The following CSMD1 variants were observed in gnomAD, a reference collection of about 807,000 sequenced individuals.
CSMD1 encodes the protein CUB and sushi domain-containing protein 1.
A neutral mutation model predicts 417.5 loss-of-function variants in CSMD1; 213 were observed. The ratio of observed to expected loss-of-function variants is 0.51; its 90% CI spans 0.46 to 0.57. The LOEUF (loss-of-function observed/expected upper bound fraction) is 0.57, where lower values mean the gene tolerates loss of function less well. Among genes scored for constraint, CSMD1 ranks in the 20% least tolerant of loss-of-function variants. The probability of loss-of-function intolerance (pLI) is 0.00; values close to 1 mark genes in which losing one functional copy is unlikely to be tolerated. For missense variants in CSMD1, 6,923 were observed against 4,529.7 expected (o/e 1.53, Z -15.17); for synonymous variants, 2,862 against 1,736.8 (o/e 1.65, Z -16.11).
chr8:4,390,542 C>G (rs1803779191), intron 3 of CSMD1, among the ~76,000 whole-genome samples: 1 of 20,608 alleles, frequency 4.9e-5, no homozygotes, highest in Non-Finnish European at 1.0e-4. Context: ...GAGATGGAGT[C>G]TTGCTCTGTT....
chr8:3,992,178 TATAA>T (rs947492373), intron 5 of CSMD1, among the ~76,000 whole-genome samples: 8 of 151,012 alleles, frequency 5.3e-5, no homozygotes, highest in African/African-American at 1.7e-4. Context: ...GTTAGATATA[TATAA>T]ATATATTTAC....
chr8:4,015,992 G>C (rs1224733790), intron 4 of CSMD1, among the ~76,000 whole-genome samples: 2 of 152,178 alleles, frequency 1.3e-5, no homozygotes, highest in East Asian at 1.9e-4. Flanking sequence ...CACCAAGTCA[G>C]AGCTGGCCTT....
chr8:4,350,753 G>A (rs933265318), intron 3 of CSMD1, among the ~76,000 whole-genome samples: 5 of 152,118 alleles, frequency 3.3e-5, no homozygotes, highest in Admixed American at 2.0e-4. Context: ...TAAATCCAGT[G>A]GCAGCTGATT....
intron 25 of CSMD1, among the ~76,000 whole-genome samples, chr8:3,295,140 T>C (rs189627632): frequency 8.8e-4 from 122 of 138,436 alleles, no homozygotes; most frequent in African/African-American, 2.8e-3. Flanking sequence ...TTTTATTTTA[T>C]TTGAGATGGA....
At chr8:3,636,730 T>A (rs570815984) in intron 7 of CSMD1, among the ~76,000 whole-genome samples, 1 of 152,352 alleles carries the variant, frequency 6.6e-6, no homozygotes, top group South Asian at 2.1e-4. Flanking sequence ...TGGGAGCAGC[T>A]GGCTCAGCGA....
chr8:4,082,536 A>G (rs1184363681), intron 3 of CSMD1, among the ~76,000 whole-genome samples: 1 of 152,186 alleles, frequency 6.6e-6, no homozygotes, highest in Non-Finnish European at 1.5e-5. Flanking sequence ...AAAAGGAAAC[A>G]CACAAAAACA....
intron 25 of CSMD1, 132 bp downstream of exon 25, chr8:3,307,563 G>C (rs1030721971): frequency 8.3e-6 from 9 of 1,084,838 alleles, no homozygotes; most frequent in Admixed American, 2.4e-5. Flanking sequence ...AAAACTTTTA[G>C]CTACAGCTTT....
chr8:3,864,726 A>T (rs1378641553), intron 5 of CSMD1, among the ~76,000 whole-genome samples: 1 of 151,622 alleles, frequency 6.6e-6, no homozygotes, highest in Non-Finnish European at 1.5e-5. Context: ...GTAATTCCAC[A>T]CTCCCCTCCT....
At position 4,309,296 on chromosome 8, in the gene CSMD1, G is replaced by C. The variant is rs546198973; in HGVS notation, c.415+110657C>G. Among the ~76,000 whole-genome samples, 156 of 152,054 alleles carry C rather than the reference G, an allele frequency of 1.0e-3. 2 individuals carry two copies. In the South Asian group the frequency reaches 0.031, roughly 30 times the overall value. ...CAGCTTCTTCAGATACAATATAATT[G>C]CACTGTCTATTTAGCATGTTATTTT... On this transcript the variant is annotated intron_variant, in intron 3 of 69. Coordinates refer to ENST00000635120, the MANE Select transcript of CSMD1 (RefSeq NM_033225.6).
chr8:4,003,973 C>T (rs961467932), intron 4 of CSMD1, among the ~76,000 whole-genome samples: 1 of 151,992 alleles, frequency 6.6e-6, no homozygotes, highest in Non-Finnish European at 1.5e-5. Context: ...AACTGGAAAA[C>T]ATTCAGAGAC....
chr8:3,318,733 G>C (rs1224924786), intron 23 of CSMD1, among the ~76,000 whole-genome samples: 1 of 152,082 alleles, frequency 6.6e-6, no homozygotes, highest in Non-Finnish European at 1.5e-5. Context: ...TCCCTAGCTG[G>C]AGTGTCACGG....
intron 10 of CSMD1, among the ~76,000 whole-genome samples, chr8:3,499,141 G>C (rs78148041): frequency 9.2e-4 from 140 of 152,292 alleles, no homozygotes; most frequent in African/African-American, 2.2e-3. Context: ...TGTAGTTTTA[G>C]TAGGAAAAAA....
chr8:4,026,815 G>A (rs974513700), intron 4 of CSMD1, among the ~76,000 whole-genome samples: 1 of 152,194 alleles, frequency 6.6e-6, no homozygotes, highest in African/African-American at 2.4e-5. Context: ...ATTTATGGCT[G>A]TAGGGAGATG....
intron 50 of CSMD1, among the ~76,000 whole-genome samples, chr8:3,036,196 A>G (rs1286780550): frequency 1.3e-5 from 2 of 152,240 alleles, no homozygotes; most frequent in East Asian, 3.8e-4. Context: ...CTGATTTATT[A>G]TAGACTCATT....
intron 1 of CSMD1, among the ~76,000 whole-genome samples, chr8:4,825,846 T>C (rs1799797002): frequency 6.6e-6 from 1 of 150,930 alleles, no homozygotes; most frequent in Non-Finnish European, 1.5e-5. Context: ...CAAAAGACAC[T>C]TCTCTGAAGA....
intron 17 of CSMD1, among the ~76,000 whole-genome samples, chr8:3,392,853 C>A (rs1811431439): frequency 6.6e-6 from 1 of 152,114 alleles, no homozygotes; most frequent in Non-Finnish European, 1.5e-5. Context: ...TATCTCTACA[C>A]CACCCACAGA....
At chr8:4,991,996 C>G (rs904084764) in intron 1 of CSMD1, among the ~76,000 whole-genome samples, 1 of 152,216 alleles carries the variant, frequency 6.6e-6, no homozygotes, top group Non-Finnish European at 1.5e-5. Flanking sequence ...CGCGCACACA[C>G]TTGCGCACAG....
intron 7 of CSMD1, among the ~76,000 whole-genome samples, chr8:3,651,441 C>T (rs1315847259): frequency 2.0e-5 from 3 of 152,080 alleles, no homozygotes; most frequent in African/African-American, 7.2e-5. Context: ...CACGTAATGC[C>T]TCAGGGTCTG....
chr8:3,031,423 C>A (rs1810332892), intron 50 of CSMD1, among the ~76,000 whole-genome samples: 1 of 151,956 alleles, frequency 6.6e-6, no homozygotes, highest in East Asian at 1.9e-4. Context: ...GTGTAACAAA[C>A]CTGCACGTTG....
Sources: gnomAD v4.1 joint callset for allele counts (sites outside exome capture counted in the v4.1 genomes callset) on GRCh38, gnomAD v4.1.1 for gene constraint, MANE v1.5 for transcripts, NCBI Gene and HGNC (gene_info 2026-07-23, HGNC 2026-07-21) for gene names.